Variants in CFAP299 observed in about 807,000 individuals in gnomAD.
CFAP299 encodes the protein cilia- and flagella-associated protein 299.
CFAP299 carries 21 observed loss-of-function variants against 27.0 expected under a neutral mutation model. That is an observed-to-expected ratio of 0.78 (90% confidence interval 0.55 to 1.12). The LOEUF is 1.12. Ranked by LOEUF, CFAP299 falls within the 50% of genes most tolerant of loss-of-function variation. The probability of loss-of-function intolerance (pLI) is 0.00; values close to 1 mark genes in which losing one functional copy is unlikely to be tolerated. For missense variants in CFAP299, 310 were observed against 276.6 expected, an observed-to-expected ratio of 1.12 and a Z score of -0.86; for synonymous variants, 104 against 98.1, an observed-to-expected ratio of 1.06 and a Z score of -0.36.
intron 2 of CFAP299, among the ~76,000 whole-genome samples, chr4:80,494,096 T>A (rs1052392151): frequency 1.3e-5 from 2 of 152,194 alleles, no homozygotes; most frequent in Admixed American, 6.5e-5. Flanking sequence ...TTCTTGAAGT[T>A]AGCAGAGTGA....
intron 2 of CFAP299, among the ~76,000 whole-genome samples, chr4:80,490,311 T>C (rs1199228799): frequency 6.6e-6 from 1 of 152,200 alleles, no homozygotes; most frequent in African/African-American, 2.4e-5. Flanking sequence ...TTGAAAAAAA[T>C]GTATGTCACC....
intron 3 of CFAP299, among the ~76,000 whole-genome samples, chr4:80,719,247 TA>T (rs1326797356): frequency 6.6e-6 from 1 of 152,102 alleles, no homozygotes; most frequent in Non-Finnish European, 1.5e-5. Context: ...TGACATGAGT[TA>T]ACCTATATAA....
chr4:80,638,555 G>A (rs565455144), intron 3 of CFAP299, among the ~76,000 whole-genome samples: 13 of 152,170 alleles, frequency 8.5e-5, no homozygotes, highest in East Asian at 3.9e-4. Flanking sequence ...CTTAAAACAC[G>A]GAGTCCAACA....
intron 3 of CFAP299, among the ~76,000 whole-genome samples, chr4:80,819,092 A>G (rs551536527): frequency 6.6e-6 from 1 of 152,220 alleles, no homozygotes; most frequent in Non-Finnish European, 1.5e-5. Flanking sequence ...TGTATATTAA[A>G]TAGATTTAAT....
intron 3 of CFAP299, among the ~76,000 whole-genome samples, chr4:80,843,415 C>T (rs1730976013): frequency 6.6e-6 from 1 of 151,982 alleles, no homozygotes; most frequent in African/African-American, 2.4e-5. Flanking sequence ...TGAACTCATC[C>T]TTTTTAAGGC....
intron 4 of CFAP299, among the ~76,000 whole-genome samples, chr4:80,891,917 A>T (rs1003467650): frequency 4.6e-4 from 69 of 151,014 alleles, no homozygotes; most frequent in African/African-American, 1.6e-3. Context: ...AAATATTATT[A>T]AAATATCCAT....
Position 80,338,672 on chromosome 4 carries a change from C to T in CFAP299, c.111+2793C>T, listed in dbSNP as rs139890486. Among the ~76,000 whole-genome samples the T allele has an allele frequency of 1.8e-3, 279 of 152,266 alleles. 1 individual carries two copies. The highest frequency in any genetic ancestry group is 5.7e-3 in the African/African-American group (237 of 41,552). On this transcript the variant is annotated intron_variant, in intron 1 of 5. Coordinates refer to ENST00000358105, the MANE Select transcript of CFAP299 (RefSeq NM_152770.3). ...TTTTAGTCGATAATCCTTCACCAAG[C>T]GCCTGATGTAGTGGATATTGCCTAC... is the stretch of plus-strand genomic sequence containing the variant.
At chr4:80,855,994 A>T (rs1317348796) in intron 3 of CFAP299, among the ~76,000 whole-genome samples, 1 of 151,866 alleles carries the variant, frequency 6.6e-6, no homozygotes, top group Non-Finnish European at 1.5e-5. Flanking sequence ...TGACTTCCAC[A>T]GTGGTTGAAC....
intron 3 of CFAP299, among the ~76,000 whole-genome samples, chr4:80,680,260 T>C (rs918016508): frequency 2.0e-5 from 3 of 152,138 alleles, no homozygotes; most frequent in Non-Finnish European, 4.4e-5. Context: ...TTGTCTACAG[T>C]TTCTTGACAG....
At chr4:80,462,168 C>T (rs1051260543) in intron 2 of CFAP299, among the ~76,000 whole-genome samples, 3 of 152,122 alleles carry the variant, frequency 2.0e-5, no homozygotes. Context: ...AAGATAAATG[C>T]GTTTTCTCTC....
chr4:80,749,721 C>T (rs1054987499), intron 3 of CFAP299, among the ~76,000 whole-genome samples: 54 of 152,184 alleles, frequency 3.5e-4, no homozygotes, highest in Admixed American at 1.9e-3. Context: ...AGATGAAGAC[C>T]GGAAGACTCA....
intron 3 of CFAP299, among the ~76,000 whole-genome samples, chr4:80,765,788 A>G (rs1321507758): frequency 6.6e-6 from 1 of 152,128 alleles, no homozygotes; most frequent in African/African-American, 2.4e-5. Context: ...TATTTATCCT[A>G]TCTCAGTGCA....
At chr4:80,362,054 C>T (rs1352909838) in intron 1 of CFAP299, among the ~76,000 whole-genome samples, 1 of 151,180 alleles carries the variant, frequency 6.6e-6, no homozygotes, top group East Asian at 1.9e-4. Flanking sequence ...TACCATGCAA[C>T]TGACAAAGAT....
chr4:80,777,572 C>A (rs1726624459), intron 3 of CFAP299, among the ~76,000 whole-genome samples: 2 of 152,160 alleles, frequency 1.3e-5, no homozygotes, highest in South Asian at 2.1e-4. Flanking sequence ...TCACTTCTTA[C>A]TTCTACGCTC....
At chr4:80,354,283 C>T (rs151013177) in intron 1 of CFAP299, among the ~76,000 whole-genome samples, 1 of 152,038 alleles carries the variant, frequency 6.6e-6, no homozygotes, top group Admixed American at 6.6e-5. Flanking sequence ...CAATATCTGT[C>T]CTTACAAATT....
chr4:80,640,812 C>T (rs992564260), intron 3 of CFAP299, among the ~76,000 whole-genome samples: 2 of 152,080 alleles, frequency 1.3e-5, no homozygotes, highest in Admixed American at 1.3e-4. Context: ...TTAGCGTTCC[C>T]CTGGGTATAG....
At chr4:80,394,718 A>G (rs1460293455) in intron 2 of CFAP299, among the ~76,000 whole-genome samples, 1 of 152,154 alleles carries the variant, frequency 6.6e-6, no homozygotes, top group Non-Finnish European at 1.5e-5. Context: ...CACTTTCTGC[A>G]AGGATCAATT....
chr4:80,880,625 C>T (rs1033210751), intron 4 of CFAP299, among the ~76,000 whole-genome samples: 1 of 152,056 alleles, frequency 6.6e-6, no homozygotes, highest in African/African-American at 2.4e-5. Flanking sequence ...ACTTGGGAGG[C>T]TGAGGCAGGA....
intron 4 of CFAP299, among the ~76,000 whole-genome samples, chr4:80,898,944 A>G (rs1212175144): frequency 6.6e-6 from 1 of 152,212 alleles, no homozygotes; most frequent in African/African-American, 2.4e-5. Context: ...CCAAAATATA[A>G]GGGCTTGCTA....
Sources: gnomAD v4.1 joint callset for allele counts (sites outside exome capture counted in the v4.1 genomes callset) on GRCh38, gnomAD v4.1.1 for gene constraint, MANE v1.5 for transcripts, NCBI Gene and HGNC (gene_info 2026-07-23, HGNC 2026-07-21) for gene names.